The following ZSCAN25 variants were observed in gnomAD, a reference collection of about 807,000 sequenced individuals.
ZSCAN25 encodes zinc finger and SCAN domain-containing protein 25.
Under a neutral mutation model 38.7 loss-of-function variants are expected in ZSCAN25, and 27 were observed. The observed-to-expected ratio is 0.70, with a 90% CI of 0.51 to 0.96. The LOEUF is 0.96. Ranked by LOEUF, ZSCAN25 falls within the 40% of genes least tolerant of loss-of-function variation. The pLI is 0.00. For missense variants in ZSCAN25, 637 were observed against 705.9 expected (o/e 0.90, Z 1.11); for synonymous variants, 273 against 277.7 (o/e 0.98, Z 0.17).
At position 99,630,126 on chromosome 7, in the gene ZSCAN25, C is replaced by T. The variant is rs1295120775; in HGVS notation, c.*106C>T. 7.0e-7 allele frequency: 1 copy of T among 1,429,384 alleles called. No homozygotes were observed. The highest frequency in any genetic ancestry group is 9.1e-7 in the Non-Finnish European group (1 of 1,094,828). The allele number at this position is 1,429,384 out of a possible 1,614,324, so 88.5% of individuals were successfully genotyped here. A position where few individuals can be genotyped will look rare whatever the true frequency, so the allele number is the denominator to read the frequency against. ...AAGCACTGGTCCCATCGCCTTCCCA[C>T]CCATTCGCCAACGCGGGAAAGGCAA... On this transcript the variant is annotated 3_prime_UTR_variant, in exon 8 of 8. Coordinates refer to ENST00000394152, the MANE Select transcript of ZSCAN25 (RefSeq NM_145115.3).
chr7:99,657,877 C>T, the ZSCAN25 span, among the ~76,000 whole-genome samples: 8 of 152,054 alleles, frequency 5.3e-5, no homozygotes, highest in Non-Finnish European at 1.0e-4. Context: ...TGGTTTAAAG[C>T]CTGTTTTATC....
At chr7:99,650,645 G>A in the ZSCAN25 span, among the ~76,000 whole-genome samples, 1 of 152,128 alleles carries the variant, frequency 6.6e-6, no homozygotes, top group East Asian at 1.9e-4. Context: ...AAAACGTCTT[G>A]TGCTATTTCA....
chr7:99,674,462 A>T, the ZSCAN25 span: 2 of 1,227,420 alleles, frequency 1.6e-6, no homozygotes, highest in African/African-American at 1.5e-5. Context: ...ACCTGGGCAG[A>T]GACTATCCTG....
chr7:99,627,985 C>T (rs929925221), intron 7 of ZSCAN25, among the ~76,000 whole-genome samples: 15 of 151,728 alleles, frequency 9.9e-5, no homozygotes, highest in East Asian at 7.7e-4. Context: ...TGTGTGGTGA[C>T]GCACACCTGT....
At chr7:99,693,276 C>G in the ZSCAN25 span, among the ~76,000 whole-genome samples, 1 of 152,136 alleles carries the variant, frequency 6.6e-6, no homozygotes, top group African/African-American at 2.4e-5. Flanking sequence ...AGCTTCATCC[C>G]AGAGGGGCAC....
At chr7:99,705,899 G>A in the ZSCAN25 span, among the ~76,000 whole-genome samples, 1 of 152,154 alleles carries the variant, frequency 6.6e-6, no homozygotes, top group African/African-American at 2.4e-5. Flanking sequence ...AACGAAAATG[G>A]ATGAGTTTTA....
the ZSCAN25 span, chr7:99,717,779 CT>C: frequency 8.9e-7 from 1 of 1,118,948 alleles, no homozygotes; most frequent in South Asian, 1.4e-5. Flanking sequence ...ATGACAGATG[CT>C]CAATAGGATT....
the ZSCAN25 span, chr7:99,660,353 G>A: frequency 1.5e-6 from 2 of 1,303,686 alleles, no homozygotes; most frequent in Non-Finnish European, 2.0e-6. Context: ...TTCTCCCTTT[G>A]TTTTTCTCCT....
In ZSCAN25 at chr7:99,624,077, T is replaced by C. The variant is rs1417336707; in HGVS notation, c.702T>C (p.Asp234=). The change falls in exon 7 of 8, where the codon GAT becomes GAC. Residue 234 remains aspartate, a synonymous_variant. Transcript: ENST00000394152. The stretch of plus-strand genomic sequence containing the variant: ...TGCAGGGGTTGGGGCCATTTAAAGA[T>C]ATGGCCCTGGCCTTCCCTGAGGAGG... The part of the protein sequence containing the change: ...AGSQGLGPFK[D]MALAFPEEEW... 1 of 1,614,194 alleles carries C rather than the reference T, an allele frequency of 6.2e-7. No homozygotes were observed. The highest frequency in any genetic ancestry group is 1.7e-5 in the Admixed American group (1 of 60,032).
chr7:99,710,602 G>A, the ZSCAN25 span: 231 of 1,499,852 alleles, frequency 1.5e-4, no homozygotes, highest in African/African-American at 2.7e-3. Context: ...TATTTTGAGA[G>A]CCTTCCTACA....
At chr7:99,651,267 C>T in the ZSCAN25 span, among the ~76,000 whole-genome samples, 1 of 152,122 alleles carries the variant, frequency 6.6e-6, no homozygotes, top group Admixed American at 6.5e-5. Context: ...TATATATACA[C>T]ACACATATAC....
At chr7:99,735,994 C>T in the ZSCAN25 span, among the ~76,000 whole-genome samples, 1 of 152,312 alleles carries the variant, frequency 6.6e-6, no homozygotes, top group East Asian at 1.9e-4. Flanking sequence ...GCTGTCTCTG[C>T]ACTTTCAGAT....
the ZSCAN25 span, chr7:99,671,553 T>C: frequency 2.8e-6 from 1 of 360,728 alleles, no homozygotes; most frequent in Non-Finnish European, 5.0e-6. Context: ...AAAATGAACC[T>C]TGATCTAAAT....
the ZSCAN25 span, among the ~76,000 whole-genome samples, chr7:99,680,892 C>T: frequency 1.3e-5 from 2 of 152,172 alleles, no homozygotes; most frequent in Non-Finnish European, 2.9e-5. Context: ...GAAGAACACC[C>T]AACCAGTTTG....
At chr7:99,686,758 C>CG in the ZSCAN25 span, among the ~76,000 whole-genome samples, 2 of 151,808 alleles carry the variant, frequency 1.3e-5, no homozygotes, top group African/African-American at 4.9e-5. Context: ...GCACCCCCCC[C>CG]CCAGTAGGGG....
At chr7:99,639,307 A>G in the ZSCAN25 span, among the ~76,000 whole-genome samples, 60 of 152,320 alleles carry the variant, frequency 3.9e-4, no homozygotes, top group Non-Finnish European at 2.4e-4. Context: ...GCAGAGTTTA[A>G]AGTCTCCACC....
the ZSCAN25 span, chr7:99,715,971 C>T: frequency 1.2e-5 from 20 of 1,611,178 alleles, no homozygotes; most frequent in African/African-American, 1.9e-4. Context: ...TCTATGCGTG[C>T]AGCAGGAAAT....
chr7:99,693,035 A>G, the ZSCAN25 span, among the ~76,000 whole-genome samples: 7 of 152,024 alleles, frequency 4.6e-5, no homozygotes, highest in African/African-American at 7.3e-5. Context: ...TTATGGTTTT[A>G]TCTATCTTTG....
the ZSCAN25 span, among the ~76,000 whole-genome samples, chr7:99,672,418 A>C: frequency 5.3e-5 from 8 of 152,214 alleles, no homozygotes; most frequent in Non-Finnish European, 1.5e-5. Flanking sequence ...ATTGCAATAT[A>C]CAAGATTGCA....
Sources: allele counts gnomAD v4.1 joint callset (sites outside exome capture counted in the v4.1 genomes callset), GRCh38; gene constraint gnomAD v4.1.1; transcripts MANE v1.5; gene names NCBI Gene and HGNC (gene_info 2026-07-23, HGNC 2026-07-21).